The following DCTN2 variants were observed in gnomAD, a reference collection of about 807,000 sequenced individuals.
The protein encoded by DCTN2 is dynactin subunit 2.
Under a neutral mutation model 55.4 loss-of-function variants are expected in DCTN2, and 18 were observed. The observed-to-expected ratio is 0.32, with a 90% confidence interval of 0.22 to 0.48. The LOEUF is 0.48. Ranked by LOEUF, DCTN2 falls within the 20% of genes least tolerant of loss-of-function variation. The probability of loss-of-function intolerance (pLI) is 0.99; values close to 1 mark genes in which losing one functional copy is unlikely to be tolerated. For synonymous variants in DCTN2, 168 were observed against 185.2 expected (o/e 0.91, Z 0.76); for missense variants, 390 against 491.0 (o/e 0.79, Z 1.94).
At chr12:57,532,929 C>A in intron 9 of DCTN2, 55 bp downstream of exon 9, 7 of 1,595,924 alleles carry the variant, frequency 4.4e-6, no homozygotes, top group Non-Finnish European at 6.0e-6. Flanking sequence ...CAAAGCAAAC[C>A]CAAACCCAAC....
chr12:57,539,099 G>C (rs1880485415), intron 2 of DCTN2, among the ~76,000 whole-genome samples: 1 of 152,232 alleles, frequency 6.6e-6, no homozygotes, highest in Non-Finnish European at 1.5e-5. Context: ...GAGTGATCAG[G>C]TAGGAAGTCT....
At chr12:57,535,716 C>T (rs200661945) in intron 3 of DCTN2, 33 bp downstream of exon 3, 68 of 1,587,342 alleles carry the variant, frequency 4.3e-5, no homozygotes, top group Admixed American at 1.8e-4. Flanking sequence ...ATCCTCCAGT[C>T]TTCCCCCCAC....
intron 2 of DCTN2, among the ~76,000 whole-genome samples, chr12:57,539,893 G>T (rs1880552826): frequency 6.6e-6 from 1 of 152,128 alleles, no homozygotes; most frequent in South Asian, 2.1e-4. Flanking sequence ...AGGCATGGTG[G>T]TGGACGCCTG....
chr12:57,546,420 T>A (rs531654195), intron 1 of DCTN2, among the ~76,000 whole-genome samples: 1 of 152,140 alleles, frequency 6.6e-6, no homozygotes, highest in East Asian at 1.9e-4. Context: ...TTAGGCCCCG[T>A]ACACCACCAC....
At chr12:57,543,851 T>G (rs1313387769) in intron 2 of DCTN2, 1 of 1,286,894 alleles carries the variant, frequency 7.8e-7, no homozygotes, top group Admixed American at 2.3e-5. Flanking sequence ...ACTCACAGTA[T>G]CCTCTCCTCA....
At chr12:57,533,854 C>A (rs1879978271) in intron 7 of DCTN2, 99 bp downstream of exon 7, 3 of 1,291,706 alleles carry the variant, frequency 2.3e-6, no homozygotes, top group South Asian at 3.1e-5. Context: ...TCAGAGGAAT[C>A]AGAAGCCTTC....
At chr12:57,530,909 T>C (rs1879633043) in intron 13 of DCTN2, 134 bp from the exon 14 acceptor site, 3 of 762,382 alleles carry the variant, frequency 3.9e-6, no homozygotes, top group African/African-American at 1.7e-5. Context: ...GGGATGTTTA[T>C]AGCACCAATT....
intron 2 of DCTN2, among the ~76,000 whole-genome samples, chr12:57,538,961 C>T (rs558415106): frequency 7.9e-4 from 120 of 152,282 alleles, no homozygotes; most frequent in African/African-American, 2.8e-3. Flanking sequence ...AGACTTGTAG[C>T]TGATAGAGGG....
At chr12:57,540,174 AAGG>A (rs1278511487) in intron 2 of DCTN2, 1 of 955,472 alleles carries the variant, frequency 1.0e-6, no homozygotes, top group Non-Finnish European at 1.2e-6. Context: ...TGCAAACACA[AAGG>A]AGAAGTACAC....
chr12:57,530,459 T>G lies in DCTN2; in HGVS notation c.*230A>C, dbSNP rs1017520061. 2.3e-5 allele frequency: 11 copies of G among 473,274 alleles called. No homozygotes were observed. The highest frequency in any genetic ancestry group is 1.9e-4 in the African/African-American group (10 of 51,964). 29.3% of individuals were successfully genotyped at this position (473,274 alleles called of 1,614,324 possible). ...TTGGCATGTGGCTGGGCCCACGTCC[T>G]TATCCCCCAGGCCTGAGGGGAGACC... On this transcript the variant is annotated 3_prime_UTR_variant, in exon 14 of 14. Coordinates refer to ENST00000548249, the MANE Select transcript of DCTN2 (RefSeq NM_001261413.2).
rs1880028264 is a variant in DCTN2, at chr12:57,534,284, G to A, written c.524+8C>T. On this transcript the variant is annotated splice_region_variant and intron_variant, in intron 6 of 13. Coordinates refer to ENST00000548249, the MANE Select transcript of DCTN2 (RefSeq NM_001261413.2). ...AGCAATGATTTTTCAACAAAGTAGG[G>A]TACCCACTTAGCCAGGGCGCCATCG... The A allele has an allele frequency of 6.3e-7, 1 of 1,578,460 alleles. No individual in the cohort carries two copies. Among genetic ancestry groups the A allele is most frequent in the African/African-American group, 1.4e-5 (1 of 73,940 alleles).
At chr12:57,533,178 A>G (rs573841285) in intron 8 of DCTN2, 60 bp downstream of exon 8, 1 of 1,591,830 alleles carries the variant, frequency 6.3e-7, no homozygotes, top group East Asian at 2.2e-5. Flanking sequence ...AATGTTGTAG[A>G]CCTTAAGGCC....
chr12:57,535,372 A>C, intron 4 of DCTN2, 112 bp downstream of exon 4: 1 of 1,368,604 alleles, frequency 7.3e-7, no homozygotes. Context: ...CTGCTTCCTC[A>C]GGAACAGAGG....
In DCTN2 at chr12:57,532,210, C is replaced by T. The variant is rs754338902; in HGVS notation, c.1027+3G>A. The T allele has an allele frequency of 2.1e-5, 32 of 1,553,762 alleles. No homozygotes were observed. In the South Asian group the frequency reaches 3.6e-4, roughly 17 times the overall value. ...TTAGCACTCCTGGCAGCTGGCCTCC[C>T]ACCTTGCTCGTGCAGCTGCTTGATG... On this transcript the variant is annotated splice_donor_region_variant and intron_variant, in intron 12 of 13. Transcript: ENST00000548249.
intron 2 of DCTN2, chr12:57,538,695 G>A: frequency 5.1e-6 from 3 of 591,634 alleles, no homozygotes; most frequent in Non-Finnish European, 9.2e-6. Context: ...GGAGCCTAGC[G>A]AAATTTAGGG....
intron 2 of DCTN2, among the ~76,000 whole-genome samples, chr12:57,545,391 CA>C (rs909905924): frequency 3.3e-5 from 5 of 151,734 alleles, no homozygotes; most frequent in African/African-American, 1.2e-4. Flanking sequence ...CTGCATTGCA[CA>C]AAAAAAACCA....
In DCTN2 at chr12:57,533,145, T is replaced by C. The variant is rs534051294; in HGVS notation, c.735+93A>G. 2.5e-6 allele frequency: 4 copies of C among 1,568,972 alleles called. No homozygotes were observed. The East Asian group carries it at 6.7e-5, about 26-fold the overall frequency. On this transcript the variant is annotated intron_variant, in intron 8 of 13. Transcript: ENST00000548249. ...GATCCCTGTAACTGAAGCCCTTTGATGACTCCTCCCAGGCTTATGTGGAAT... is the reference window on the plus strand; with the variant it reads ...GATCCCTGTAACTGAAGCCCTTTGACGACTCCTCCCAGGCTTATGTGGAAT...
intron 9 of DCTN2, 29 bp downstream of exon 9, chr12:57,532,955 C>T (rs995005444): frequency 6.3e-7 from 1 of 1,598,574 alleles, no homozygotes; most frequent in Admixed American, 1.7e-5. Flanking sequence ...CCTCTGTGAT[C>T]CAAACACTCC....
rs372777636 is a variant in DCTN2 at position 57,545,085 on chromosome 12, G to A, written c.105+943C>T. 2.8e-4 allele frequency among the ~76,000 whole-genome samples: 42 copies of A among 152,248 alleles called. 3 individuals are homozygous for A. The East Asian group carries it at 3.7e-3, about 13-fold the overall frequency. ...AGTCAGCATTCCCCAGAATTAACCA[G>A]CCCCACAGACATAGCCACAGGACTT... On this transcript the variant is annotated intron_variant, in intron 2 of 13. Coordinates refer to ENST00000548249, the MANE Select transcript of DCTN2 (RefSeq NM_001261413.2).
Sources: allele counts gnomAD v4.1 joint callset (sites outside exome capture counted in the v4.1 genomes callset), GRCh38; gene constraint gnomAD v4.1.1; transcripts MANE v1.5; gene names NCBI Gene and HGNC (gene_info 2026-07-23, HGNC 2026-07-21).